CDH7: variants seen among roughly 807,000 people sequenced by gnomAD.
The protein encoded by CDH7 is cadherin-7.
In CDH7, 25 loss-of-function variants were observed where a neutral mutation model predicts 71.8. That is an observed-to-expected ratio of 0.35 (90% CI 0.25 to 0.49). The LOEUF (loss-of-function observed/expected upper bound fraction) is 0.49. CDH7 is among the 20% of genes least tolerant of loss of function. CDH7 has a pLI of 0.99. For synonymous variants in CDH7, 381 were observed against 363.8 expected (o/e 1.05, Z -0.54); for missense variants, 862 against 974.6 (o/e 0.88, Z 1.54).
At chr18:65,815,003 G>A (rs1446043718) in intron 4 of CDH7, among the ~76,000 whole-genome samples, 4 of 152,068 alleles carry the variant, frequency 2.6e-5, no homozygotes, top group African/African-American at 9.7e-5. Flanking sequence ...AGTACTTTCA[G>A]TTTATTCTTC....
chr18:65,808,924 C>T (rs571468393), intron 2 of CDH7, among the ~76,000 whole-genome samples: 103 of 152,190 alleles, frequency 6.8e-4, no homozygotes, highest in African/African-American at 2.2e-3. Flanking sequence ...CCTGAGGTTC[C>T]TCTGTTCAAC....
intron 11 of CDH7, among the ~76,000 whole-genome samples, chr18:65,868,640 T>A (rs1445957326): frequency 6.6e-6 from 1 of 152,204 alleles, no homozygotes; most frequent in African/African-American, 2.4e-5. Context: ...TATTTTATAG[T>A]ATCTTCCAAT....
intron 2 of CDH7, among the ~76,000 whole-genome samples, chr18:65,782,128 T>C (rs375943268): frequency 0.035 from 1,910 of 55,244 alleles, 334 homozygotes; most frequent in Middle Eastern, 0.053. Flanking sequence ...CTTTCTTTCT[T>C]TCTTTCTTTC....
In CDH7 at chr18:65,884,950, T is replaced by A. The variant is rs542455056; in HGVS notation, c.*4056T>A. 6.6e-6 allele frequency: 1 copy of A among 152,360 alleles called. No individual in the cohort carries two copies. The highest frequency in any genetic ancestry group is 1.9e-4 in the East Asian group (1 of 5,186). The allele number at this position is 152,360 out of a possible 1,614,324, so 9.4% of individuals were successfully genotyped here. A position where few individuals can be genotyped will look rare whatever the true frequency, so the allele number is the denominator to read the frequency against. On this transcript the variant is annotated 3_prime_UTR_variant, in exon 12 of 12. Transcript: ENST00000397968. Reference sequence around the variant, plus strand: ...TTTTTTAACTCTTTCTGGTCCACGATGCCTGGAGGCAAGTGAAATATATAT... The same window carrying A: ...TTTTTTAACTCTTTCTGGTCCACGAAGCCTGGAGGCAAGTGAAATATATAT...
At position 65,882,280 on chromosome 18, in the gene CDH7, C is replaced by A. The variant is rs1599072958; in HGVS notation, c.*1386C>A. 1 of 152,092 alleles carries A rather than the reference C, an allele frequency of 6.6e-6. No individual in the cohort carries two copies. The highest frequency in any genetic ancestry group is 2.4e-5 in the African/African-American group (1 of 41,442). 9.4% of individuals were successfully genotyped at this position (152,092 alleles called of 1,614,324 possible). Reference sequence around the variant, plus strand: ...TTGAGTTGAGCTTGTTAGAGTATGACTTTCATGACCAAAATGATGTTTCTA... The same window carrying A: ...TTGAGTTGAGCTTGTTAGAGTATGAATTTCATGACCAAAATGATGTTTCTA... On this transcript the variant is annotated 3_prime_UTR_variant, in exon 12 of 12. Coordinates refer to ENST00000397968, the MANE Select transcript of CDH7 (RefSeq NM_004361.5).
At chr18:65,781,185 T>C (rs1910171658) in intron 2 of CDH7, among the ~76,000 whole-genome samples, 1 of 152,160 alleles carries the variant, frequency 6.6e-6, no homozygotes, top group Admixed American at 6.6e-5. Context: ...AGCTACATCA[T>C]TGCCAGTTTA....
At chr18:65,842,794 T>A (rs948435662) in intron 6 of CDH7, among the ~76,000 whole-genome samples, 14 of 152,002 alleles carry the variant, frequency 9.2e-5, no homozygotes, top group Non-Finnish European at 4.4e-5. Context: ...AATGCCTTAT[T>A]CTTATATACT....
Position 65,885,424 on chromosome 18 carries a change from C to T in CDH7, c.*4530C>T, listed in dbSNP as rs908224134. 6.5e-5 allele frequency: 8 copies of T among 123,868 alleles called. No homozygotes were observed. Among genetic ancestry groups the T allele is most frequent in the Non-Finnish European group, 1.3e-4 (8 of 62,238 alleles). 7.7% of individuals were successfully genotyped at this position (123,868 alleles called of 1,614,324 possible). On this transcript the variant is annotated 3_prime_UTR_variant, in exon 12 of 12. Coordinates refer to ENST00000397968, the MANE Select transcript of CDH7 (RefSeq NM_004361.5). The stretch of plus-strand genomic sequence containing the variant: ...GTGGAGTCTCGCTCTGTCGCCCAGG[C>T]TGGAGTGCAGTGGTGCGATCTCGGC...
intron 2 of CDH7, among the ~76,000 whole-genome samples, chr18:65,795,173 G>A (rs1910865321): frequency 6.6e-6 from 1 of 152,116 alleles, no homozygotes; most frequent in South Asian, 2.1e-4. Context: ...ACATAGTACT[G>A]AAGTTCAGAG....
chr18:65,869,299 A>C (rs1241044393), intron 11 of CDH7, among the ~76,000 whole-genome samples: 1 of 151,814 alleles, frequency 6.6e-6, no homozygotes, highest in East Asian at 1.9e-4. Context: ...TTTCAGAGTA[A>C]GCTTTTAAAA....
chr18:65,859,921 A>G, intron 10 of CDH7, 96 bp downstream of exon 10: 1 of 726,840 alleles, frequency 1.4e-6, no homozygotes, highest in East Asian at 2.6e-5. Flanking sequence ...GATTTTTTTT[A>G]AAGCAAGGAC....
intron 5 of CDH7, 74 bp downstream of exon 5, chr18:65,822,322 C>A: frequency 8.2e-7 from 1 of 1,214,318 alleles, no homozygotes; most frequent in Non-Finnish European, 1.2e-6. Context: ...TTTAAAATGA[C>A]TTTTTTTCAA....
chr18:65,788,030 A>G (rs572988751), intron 2 of CDH7, among the ~76,000 whole-genome samples: 98 of 152,272 alleles, frequency 6.4e-4, no homozygotes, highest in African/African-American at 2.2e-3. Context: ...AAGAGAAAAA[A>G]CATATATTAA....
chr18:65,855,506 C>T (rs780276137), intron 7 of CDH7, among the ~76,000 whole-genome samples: 27 of 121,862 alleles, frequency 2.2e-4, no homozygotes, highest in South Asian at 6.1e-4. Flanking sequence ...TTAGAATAAA[C>T]GGATCAATTT....
chr18:65,813,232 T>C (rs2143914812), intron 3 of CDH7, among the ~76,000 whole-genome samples: 1 of 152,290 alleles, frequency 6.6e-6, no homozygotes, highest in South Asian at 2.1e-4. Flanking sequence ...CTCAGGAGGC[T>C]GAGGCAGGAG....
At chr18:65,843,178 A>G (rs1912799523) in intron 6 of CDH7, among the ~76,000 whole-genome samples, 1 of 152,140 alleles carries the variant, frequency 6.6e-6, no homozygotes, top group African/African-American at 2.4e-5. Context: ...AATTAGATAC[A>G]ATGTAAAGAT....
intron 6 of CDH7, among the ~76,000 whole-genome samples, chr18:65,825,033 T>C (rs1345170337): frequency 6.6e-6 from 1 of 151,890 alleles, no homozygotes; most frequent in Non-Finnish European, 1.5e-5. Context: ...ATCAATTCTA[T>C]TCTTTAAGAA....
chr18:65,849,817 C>G (rs1913081655), intron 7 of CDH7, among the ~76,000 whole-genome samples: 1 of 152,062 alleles, frequency 6.6e-6, no homozygotes, highest in Non-Finnish European at 1.5e-5. Context: ...AATAAATTCA[C>G]TGAAAATTAC....
chr18:65,778,063 G>A (rs1289469293), intron 2 of CDH7, among the ~76,000 whole-genome samples: 2 of 152,004 alleles, frequency 1.3e-5, no homozygotes, highest in Non-Finnish European at 2.9e-5. Flanking sequence ...ATGAGGTTCA[G>A]GAGTTTGAGA....
Sources: gnomAD v4.1 joint callset for allele counts (sites outside exome capture counted in the v4.1 genomes callset) on GRCh38, gnomAD v4.1.1 for gene constraint, MANE v1.5 for transcripts, NCBI Gene and HGNC (gene_info 2026-07-23, HGNC 2026-07-21) for gene names.